The following MPHOSPH9 variants were observed in gnomAD, a reference collection of about 807,000 sequenced individuals.
MPHOSPH9 encodes M-phase phosphoprotein 9.
In MPHOSPH9, 88 loss-of-function variants were observed where a neutral mutation model predicts 145.5. The observed-to-expected ratio is 0.60, with a 90% CI of 0.51 to 0.72. The LOEUF (loss-of-function observed/expected upper bound fraction) is 0.72. Ranked by LOEUF, MPHOSPH9 falls within the 30% of genes least tolerant of loss-of-function variation. The pLI, the probability that MPHOSPH9 is intolerant of heterozygous loss-of-function variation, is 0.00. For missense variants in MPHOSPH9, 1,238 were observed against 1,386.6 expected, an observed-to-expected ratio of 0.89 and a Z score of 1.70; for synonymous variants, 435 against 486.2, an observed-to-expected ratio of 0.89 and a Z score of 1.39.
chr12:123,226,396 T>C (rs1468224560), intron 3 of MPHOSPH9: 1 of 888,392 alleles, frequency 1.1e-6, no homozygotes, highest in Non-Finnish European at 1.5e-6. Flanking sequence ...CAATTAACGT[T>C]TAAAACAAGA....
intron 11 of MPHOSPH9, among the ~76,000 whole-genome samples, chr12:123,201,837 C>A (rs1177645459): frequency 6.6e-6 from 1 of 151,858 alleles, no homozygotes; most frequent in Non-Finnish European, 1.5e-5. Flanking sequence ...TTGGAATGGG[C>A]CTATTAAAAA....
intron 6 of MPHOSPH9, among the ~76,000 whole-genome samples, chr12:123,216,566 T>C (rs904838228): frequency 6.6e-6 from 1 of 152,156 alleles, no homozygotes; most frequent in African/African-American, 2.4e-5. Flanking sequence ...TTAAAAATTA[T>C]CTGGCCAGGC....
In MPHOSPH9 at chr12:123,203,258, G is replaced by T; in HGVS notation, c.1312C>A (p.Pro438Thr). The T allele has an allele frequency of 2.5e-6, 4 of 1,613,316 alleles. No individual in the cohort carries two copies. The highest frequency in any genetic ancestry group is 3.4e-6 in the Non-Finnish European group (4 of 1,179,824). The change falls in exon 9 of 24, where the codon CCA (proline) becomes ACA (threonine). Residue 438 changes from proline (P) to threonine (T), a missense_variant. Around this residue, in one of 3 missense-constraint regions of MPHOSPH9, gnomAD observed 837 missense variants for 897.5 expected, o/e 0.93. Transcript: ENST00000606320. ...AATGTGGACAACTTTACCTCTGGTG[G>T]ATGATTTGGGTTGGAAGCAGAAGTG... ...NLTSASNPNH[P>T]PEVLTLDPTL...
chr12:123,210,815 C>G (rs1565955662), intron 7 of MPHOSPH9, among the ~76,000 whole-genome samples: 1 of 151,848 alleles, frequency 6.6e-6, no homozygotes, highest in Non-Finnish European at 1.5e-5. Context: ...TTTTTTGAGA[C>G]AGAGTCTCGC....
intron 8 of MPHOSPH9, among the ~76,000 whole-genome samples, chr12:123,208,754 CT>C (rs2046561719): frequency 6.6e-6 from 1 of 150,702 alleles, no homozygotes. Context: ...TTTTTTTTCC[CT>C]TTTTGAGACA....
At chr12:123,198,809 CAAAAAAAA>C (rs35259138) in intron 11 of MPHOSPH9, among the ~76,000 whole-genome samples, 4 of 48,534 alleles carry the variant, frequency 8.2e-5, no homozygotes, top group Non-Finnish European at 1.2e-4. Flanking sequence ...GAACCTGTCT[CAAAAAAAA>C]AAAAAAAAAA....
At chr12:123,243,480 A>T (rs2138762311) in intron 1 of MPHOSPH9, among the ~76,000 whole-genome samples, 1 of 151,798 alleles carries the variant, frequency 6.6e-6, no homozygotes, top group Admixed American at 6.6e-5. Flanking sequence ...CAGTGAGCCA[A>T]GATCACACCA....
At chr12:123,194,313 C>A in intron 13 of MPHOSPH9, 73 bp downstream of exon 13, 1 of 858,376 alleles carries the variant, frequency 1.2e-6, no homozygotes, top group Non-Finnish European at 1.8e-6. Flanking sequence ...AAGTCATAAT[C>A]ACTTGTAAGA....
At chr12:123,226,521 C>T (rs567100282) in intron 3 of MPHOSPH9, among the ~76,000 whole-genome samples, 64 of 145,054 alleles carry the variant, frequency 4.4e-4, no homozygotes, top group Non-Finnish European at 8.2e-4. Context: ...TTTATATATA[C>T]TTTTTTTTTT....
At chr12:123,219,628 C>A (rs1164627122) in intron 5 of MPHOSPH9, among the ~76,000 whole-genome samples, 1 of 151,492 alleles carries the variant, frequency 6.6e-6, no homozygotes, top group Non-Finnish European at 1.5e-5. Context: ...GAACAAAAAC[C>A]ACCACATTTG....
intron 3 of MPHOSPH9, among the ~76,000 whole-genome samples, chr12:123,224,129 CATT>C (rs1565974889): frequency 3.3e-4 from 40 of 122,596 alleles, no homozygotes; most frequent in African/African-American, 8.5e-4. Flanking sequence ...TATATATACA[CATT>C]TTTTTTTTTT....
chr12:123,188,648 G>A (rs1260855986), intron 13 of MPHOSPH9, among the ~76,000 whole-genome samples: 1 of 152,134 alleles, frequency 6.6e-6, no homozygotes, highest in Non-Finnish European at 1.5e-5. Flanking sequence ...AGGAGATCGA[G>A]ACCACCCTGG....
chr12:123,204,093 G>A (rs990882739), intron 8 of MPHOSPH9, among the ~76,000 whole-genome samples: 1 of 152,024 alleles, frequency 6.6e-6, no homozygotes, highest in Non-Finnish European at 1.5e-5. Context: ...ACTTGAAGTC[G>A]AGAGTTTGAG....
At chr12:123,201,048 C>T (rs1386021243) in intron 11 of MPHOSPH9, among the ~76,000 whole-genome samples, 2 of 152,050 alleles carry the variant, frequency 1.3e-5, no homozygotes, top group African/African-American at 4.8e-5. Context: ...AAACCTAAAC[C>T]TGTCTCTTTT....
intron 14 of MPHOSPH9, among the ~76,000 whole-genome samples, 173 bp downstream of exon 14, chr12:123,180,990 A>C (rs2045108163): frequency 1.3e-5 from 2 of 152,212 alleles, no homozygotes; most frequent in Non-Finnish European, 2.9e-5. Context: ...TGTGAGTTAA[A>C]TGGGGCAGGT....
intron 21 of MPHOSPH9, among the ~76,000 whole-genome samples, chr12:123,161,647 TTAAG>T (rs1304996930): frequency 2.7e-5 from 4 of 150,492 alleles, no homozygotes; most frequent in Non-Finnish European, 5.9e-5. Context: ...TAAATGAACT[TTAAG>T]TAAACTTAAA....
intron 15 of MPHOSPH9, among the ~76,000 whole-genome samples, chr12:123,179,162 G>C (rs529455651): frequency 8.0e-4 from 122 of 152,248 alleles, no homozygotes; most frequent in Middle Eastern, 3.4e-3. Flanking sequence ...GTGCAGTAGC[G>C]CATGCCTGTA....
At chr12:123,169,415 C>T (rs2044476745) in intron 16 of MPHOSPH9, among the ~76,000 whole-genome samples, 1 of 151,060 alleles carries the variant, frequency 6.6e-6, no homozygotes, top group South Asian at 2.1e-4. Context: ...AGGAGAATGG[C>T]ATAAGCCCAG....
At chr12:123,184,489 T>C (rs1401724432) in intron 13 of MPHOSPH9, among the ~76,000 whole-genome samples, 1 of 109,650 alleles carries the variant, frequency 9.1e-6, no homozygotes, top group Non-Finnish European at 1.8e-5. Flanking sequence ...ACTGCTTCGC[T>C]TTAATTTAAT....
Sources: gnomAD v4.1 joint callset for allele counts (sites outside exome capture counted in the v4.1 genomes callset) on GRCh38, gnomAD v4.1.1 for gene constraint, gnomAD v4.1.1 regional missense constraint, MANE v1.5 for transcripts, NCBI Gene and HGNC (gene_info 2026-07-23, HGNC 2026-07-21) for gene names.